USP3: variants seen among roughly 807,000 people sequenced by gnomAD.
USP3 encodes ubiquitin carboxyl-terminal hydrolase 3.
Under a neutral mutation model 72.3 loss-of-function variants are expected in USP3, and 20 were observed. The observed-to-expected ratio is 0.28, with a 90% CI of 0.19 to 0.40. USP3 has a LOEUF of 0.40. Among genes scored for constraint, USP3 ranks in the 10% least tolerant of loss-of-function variants. The pLI is 1.00. For missense variants in USP3, 479 were observed against 633.9 expected, an observed-to-expected ratio of 0.76 and a Z score of 2.62; for synonymous variants, 222 against 225.3, an observed-to-expected ratio of 0.99 and a Z score of 0.13.
chr15:63,553,909 T>G lies in USP3; in HGVS notation c.368+111T>G. ...GAGTTTAATAACTTCATGTTTATAA[T>G]ATGATTGAAATGTTAATAAAATAAA... is the stretch of plus-strand genomic sequence containing the variant. On this transcript the variant is annotated intron_variant, in intron 4 of 14. Coordinates refer to ENST00000380324, the MANE Select transcript of USP3 (RefSeq NM_006537.4). This position sits in a 1 kb window ranked among gnomAD's most constrained non-coding sequence, Gnocchi z 4.2. 1.3e-6 allele frequency: 1 copy of G among 776,604 alleles called. No individual in the cohort carries two copies. Among genetic ancestry groups the G allele is most frequent in the Non-Finnish European group, 2.0e-6 (1 of 507,964 alleles). 48.1% of individuals were successfully genotyped at this position (776,604 alleles called of 1,614,324 possible).
intron 1 of USP3, among the ~76,000 whole-genome samples, chr15:63,527,383 T>A (rs2065998694): frequency 6.6e-6 from 1 of 152,200 alleles, no homozygotes; most frequent in African/African-American, 2.4e-5. Flanking sequence ...AAAAAGAGCC[T>A]TCTCTCCCAG....
intron 1 of USP3, chr15:63,527,752 C>G (rs369868602): frequency 1.3e-5 from 2 of 152,230 alleles, no homozygotes; most frequent in African/African-American, 4.8e-5. Flanking sequence ...GTTTCTGCTC[C>G]GGTCTCTCTT....
intron 1 of USP3, among the ~76,000 whole-genome samples, chr15:63,505,721 C>T (rs1198501806): frequency 6.6e-6 from 1 of 152,198 alleles, no homozygotes; most frequent in African/African-American, 2.4e-5. Flanking sequence ...GGCCACACGG[C>T]TTTGCTTACT....
At chr15:63,569,632 A>G (rs1206702808) in intron 8 of USP3, among the ~76,000 whole-genome samples, 1 of 152,190 alleles carries the variant, frequency 6.6e-6, no homozygotes, top group Non-Finnish European at 1.5e-5. Context: ...AAAGTACTTT[A>G]TATAGCAATG....
chr15:63,558,203 A>G lies in USP3; in HGVS notation c.533+15A>G. Reference sequence around the variant, plus strand: ...CAGTCACTCAGGTAACGCTACAGTCAGAGCTTAAGTGTCTGACATTAAAGG... The same window carrying G: ...CAGTCACTCAGGTAACGCTACAGTCGGAGCTTAAGTGTCTGACATTAAAGG... On this transcript the variant is annotated intron_variant, in intron 6 of 14. Transcript: ENST00000380324. 6.2e-7 allele frequency: 1 copy of G among 1,613,898 alleles called. No homozygotes were observed. The highest frequency in any genetic ancestry group is 8.5e-7 in the Non-Finnish European group (1 of 1,179,896).
Position 63,574,086 on chromosome 15 carries a change from A to G in USP3, c.949A>G (p.Ile317Val), listed in dbSNP as rs769575121. The G allele has an allele frequency of 4.4e-6, 7 of 1,598,894 alleles. No individual in the cohort carries two copies. In the Admixed American group the frequency reaches 8.4e-5, roughly 19 times the overall value. The change falls in exon 10 of 15, where the codon ATT (isoleucine) becomes GTT (valine). Residue 317 changes from isoleucine to valine, a missense_variant. Coordinates refer to ENST00000380324, the MANE Select transcript of USP3 (RefSeq NM_006537.4). This position sits in a 1 kb window ranked among gnomAD's most constrained non-coding sequence, Gnocchi z 4.6. Reference protein sequence around the residue: ...STVVTAIFGGILQNEVNCLIC... With the variant: ...STVVTAIFGGVLQNEVNCLIC... ...TGTTGTCACGGCTATATTCGGAGGC[A>G]TTCTCCAAAATGAGGTTAACTGCCT...
At chr15:63,533,655 A>T (rs765196736) in intron 2 of USP3, 5 of 264,706 alleles carry the variant, frequency 1.9e-5, no homozygotes, top group Non-Finnish European at 3.0e-5. Context: ...TTGCATGAAG[A>T]GAGCATCTTT....
At chr15:63,566,363 G>A (rs529378801) in intron 8 of USP3, among the ~76,000 whole-genome samples, 1 of 151,404 alleles carries the variant, frequency 6.6e-6, no homozygotes, top group South Asian at 2.1e-4. Context: ...AGACTGGAGT[G>A]CAGTGGCATG....
intron 8 of USP3, among the ~76,000 whole-genome samples, chr15:63,568,863 T>A (rs1382324644): frequency 6.6e-6 from 1 of 152,198 alleles, no homozygotes; most frequent in Non-Finnish European, 1.5e-5. Flanking sequence ...TTCCGTGATC[T>A]CATGTAGTTT....
intron 3 of USP3, among the ~76,000 whole-genome samples, chr15:63,537,637 T>G (rs1283237407): frequency 6.6e-6 from 1 of 152,202 alleles, no homozygotes; most frequent in African/African-American, 2.4e-5. Context: ...GCTCCTCTTC[T>G]ACTCCCCCAA....
intron 7 of USP3, among the ~76,000 whole-genome samples, chr15:63,561,865 A>T (rs1002748554): frequency 6.6e-6 from 1 of 152,250 alleles, no homozygotes; most frequent in African/African-American, 2.4e-5. Flanking sequence ...CCAATCAAGT[A>T]TCCGAAAATA....
Position 63,592,954 on chromosome 15 carries a change from T to C in USP3, c.*2128T>C, listed in dbSNP as rs112614528. 1.1e-4 allele frequency: 17 copies of C among 152,214 alleles called. No individual in the cohort carries two copies. The highest frequency in any genetic ancestry group is 2.2e-4 in the African/African-American group (9 of 41,452). 9.4% of individuals were successfully genotyped at this position (152,214 alleles called of 1,614,324 possible). A position where few individuals can be genotyped will look rare whatever the true frequency, so the allele number is the denominator to read the frequency against. On this transcript the variant is annotated 3_prime_UTR_variant, in exon 15 of 15. Coordinates refer to ENST00000380324, the MANE Select transcript of USP3 (RefSeq NM_006537.4). Reference sequence around the variant, plus strand: ...CAAATTACAATTATGTGTAAACTTATATCATCCAGTACAATGGCCCCTAGC... The same window carrying C: ...CAAATTACAATTATGTGTAAACTTACATCATCCAGTACAATGGCCCCTAGC...
chr15:63,564,436 A>G (rs1368039523), intron 8 of USP3, among the ~76,000 whole-genome samples: 2 of 152,204 alleles, frequency 1.3e-5, no homozygotes, highest in South Asian at 2.1e-4. Context: ...TACCTTGAAC[A>G]AGGCCCGTTA....
chr15:63,547,866 T>TAGAGAGAGAGAG (rs112905081), intron 3 of USP3, among the ~76,000 whole-genome samples: 12 of 20,860 alleles, frequency 5.8e-4, no homozygotes, highest in Non-Finnish European at 8.5e-4. Flanking sequence ...GAGAGAGGCA[T>TAGAGAGAGAGAG]AGAGAGAGAG....
chr15:63,560,085 T>A, intron 7 of USP3, 115 bp downstream of exon 7: 1 of 883,576 alleles, frequency 1.1e-6, no homozygotes, highest in Non-Finnish European at 1.7e-6. Context: ...AAAAATCTTC[T>A]AAAAATTGTG....
chr15:63,581,362 T>C (rs1418452778), intron 11 of USP3, among the ~76,000 whole-genome samples: 1 of 29,662 alleles, frequency 3.4e-5, no homozygotes, highest in Non-Finnish European at 1.1e-4. Context: ...TGTGTGTGTG[T>C]GTGTGTGTGT....
At chr15:63,551,913 C>CT (rs2066442688) in intron 3 of USP3, 2 of 152,174 alleles carry the variant, frequency 1.3e-5, no homozygotes, top group South Asian at 4.1e-4. Context: ...TGAGTCTGTA[C>CT]TTTAACAAAC....
At chr15:63,556,843 T>A in intron 5 of USP3, 95 bp downstream of exon 5, 1 of 884,400 alleles carries the variant, frequency 1.1e-6, no homozygotes, top group Non-Finnish European at 1.7e-6. Context: ...TGTTACAGAC[T>A]TTTATAAATG....
rs1188629277 is a variant in USP3 at position 63,594,590 on chromosome 15, CCTGAA to C, written c.*3768_*3772del. 2.6e-5 allele frequency: 4 copies of C among 152,190 alleles called. No homozygotes were observed. Among genetic ancestry groups the C allele is most frequent in the Admixed American group, 1.3e-4 (2 of 15,280 alleles). 9.4% of individuals were successfully genotyped at this position (152,190 alleles called of 1,614,324 possible). ...TCACATCCCTTTTCTGCTTCACCAA[CCTGAA>C]CTGTTTTTAAAAATATCATTAAAAG... On this transcript the variant is annotated 3_prime_UTR_variant, in exon 15 of 15. Transcript: ENST00000380324.
Sources: allele counts gnomAD v4.1 joint callset (sites outside exome capture counted in the v4.1 genomes callset), GRCh38; gene constraint gnomAD v4.1.1; non-coding constraint Gnocchi (gnomAD v3.1); transcripts MANE v1.5; gene names NCBI Gene and HGNC (gene_info 2026-07-23, HGNC 2026-07-21).